The following FGD4 variants were observed in gnomAD, a reference collection of about 807,000 sequenced individuals.
FGD4 encodes the protein FYVE, RhoGEF and PH domain-containing protein 4.
FGD4 carries 42 observed loss-of-function variants against 102.0 expected under a neutral mutation model. The ratio of observed to expected loss-of-function variants is 0.41; its 90% CI spans 0.32 to 0.53. FGD4 has a LOEUF of 0.53. Ranked by LOEUF, FGD4 falls within the 20% of genes least tolerant of loss-of-function variation. The probability of loss-of-function intolerance (pLI) is 0.21; values close to 1 mark genes in which losing one functional copy is unlikely to be tolerated. For missense variants in FGD4, 902 were observed against 1,078.2 expected, an observed-to-expected ratio of 0.84 and a Z score of 2.29; for synonymous variants, 380 against 375.7, an observed-to-expected ratio of 1.01 and a Z score of -0.13.
intron 15 of FGD4, among the ~76,000 whole-genome samples, chr12:32,638,251 G>A (rs550633330): frequency 6.6e-6 from 1 of 152,252 alleles, no homozygotes; most frequent in South Asian, 2.1e-4. Context: ...GCAGAGGATC[G>A]AAGTTCAGAC....
At chr12:32,449,990 T>C (rs1451542225) in intron 1 of FGD4, among the ~76,000 whole-genome samples, 1 of 152,144 alleles carries the variant, frequency 6.6e-6, no homozygotes, top group East Asian at 1.9e-4. Context: ...TGGAGTGCAA[T>C]GGTGCGATCT....
intron 8 of FGD4, 141 bp from the exon 9 acceptor site, chr12:32,610,635 T>C (rs1949078570): frequency 1.4e-6 from 1 of 711,932 alleles, no homozygotes; most frequent in East Asian, 2.7e-5. Flanking sequence ...TTAGAAAGTA[T>C]ATACCGTTTA....
intron 1 of FGD4, among the ~76,000 whole-genome samples, chr12:32,447,008 A>T (rs1942636012): frequency 6.6e-6 from 1 of 152,218 alleles, no homozygotes; most frequent in Non-Finnish European, 1.5e-5. Context: ...TGTTCCAGGT[A>T]ACAAAAGGAT....
chr12:32,552,784 C>CTTT (rs71068325), intron 1 of FGD4, among the ~76,000 whole-genome samples: 18 of 144,324 alleles, frequency 1.2e-4, no homozygotes, highest in Middle Eastern at 3.5e-3. Context: ...TGGAGTGTAC[C>CTTT]TTTTTTTTTT....
At chr12:32,582,530 CTCTT>C (rs1946698896) in intron 4 of FGD4, 63 bp downstream of exon 4, 1 of 1,591,964 alleles carries the variant, frequency 6.3e-7, no homozygotes, top group African/African-American at 1.3e-5. Flanking sequence ...TGTCTTAAAA[CTCTT>C]TATTTATTGC....
intron 1 of FGD4, among the ~76,000 whole-genome samples, chr12:32,460,983 A>G (rs1447793310): frequency 6.6e-6 from 1 of 152,236 alleles, no homozygotes. Context: ...AATACAAGTA[A>G]CTGATATTCT....
intron 7 of FGD4, among the ~76,000 whole-genome samples, chr12:32,603,904 A>G (rs953483114): frequency 4.0e-5 from 6 of 151,682 alleles, no homozygotes; most frequent in Admixed American, 3.3e-4. Flanking sequence ...AGGTCTGGCT[A>G]TGTTGCCCAG....
chr12:32,468,343 T>A (rs1023394983), intron 1 of FGD4, among the ~76,000 whole-genome samples: 1 of 152,100 alleles, frequency 6.6e-6, no homozygotes. Context: ...TCTTTCTCAG[T>A]GATCTCTTAC....
chr12:32,525,560 C>A (rs547809903), intron 1 of FGD4, among the ~76,000 whole-genome samples: 83 of 152,362 alleles, frequency 5.4e-4, no homozygotes, highest in African/African-American at 2.0e-3. Flanking sequence ...TGCCTGGGCT[C>A]CCACTTTGGT....
At chr12:32,631,557 T>G (rs1380798719) in intron 14 of FGD4, among the ~76,000 whole-genome samples, 1 of 142,926 alleles carries the variant, frequency 7.0e-6, no homozygotes, top group African/African-American at 2.7e-5. Flanking sequence ...CGGGCTGGAG[T>G]GCACTGGCGC....
At chr12:32,614,689 T>C (rs1949345304) in intron 10 of FGD4, among the ~76,000 whole-genome samples, 1 of 152,242 alleles carries the variant, frequency 6.6e-6, no homozygotes, top group African/African-American at 2.4e-5. Flanking sequence ...TGACTTCTTT[T>C]TGTTTCCTAA....
chr12:32,407,314 C>CG (rs1190877069), intron 1 of FGD4, among the ~76,000 whole-genome samples: 1 of 149,262 alleles, frequency 6.7e-6, no homozygotes, highest in Non-Finnish European at 1.5e-5. Context: ...TTAGTAGAGA[C>CG]GGGGTTTCAC....
At chr12:32,541,644 G>A (rs1027564174) in intron 1 of FGD4, among the ~76,000 whole-genome samples, 3 of 152,150 alleles carry the variant, frequency 2.0e-5, no homozygotes, top group Non-Finnish European at 4.4e-5. Flanking sequence ...GAATACAGGC[G>A]TTAGCCACCG....
chr12:32,631,602 T>G (rs1176000882), intron 14 of FGD4, among the ~76,000 whole-genome samples: 1 of 151,208 alleles, frequency 6.6e-6, no homozygotes, highest in South Asian at 2.1e-4. Context: ...CCTGCTGGGT[T>G]CAAGCAATTC....
intron 10 of FGD4, among the ~76,000 whole-genome samples, chr12:32,614,633 CGA>C (rs1442422752): frequency 1.3e-5 from 2 of 152,178 alleles, no homozygotes; most frequent in Non-Finnish European, 2.9e-5. Flanking sequence ...GGCAATTTTT[CGA>C]GAGTTTTGAC....
chr12:32,451,402 G>T (rs1264790241), intron 1 of FGD4, among the ~76,000 whole-genome samples: 1 of 152,142 alleles, frequency 6.6e-6, no homozygotes, highest in Non-Finnish European at 1.5e-5. Flanking sequence ...AAAGTCCCAT[G>T]TGTCTGCCTG....
At chr12:32,578,074 C>A (rs1224304490) in intron 3 of FGD4, among the ~76,000 whole-genome samples, 1 of 152,124 alleles carries the variant, frequency 6.6e-6, no homozygotes, top group East Asian at 1.9e-4. Flanking sequence ...TTCATAAATT[C>A]AATCCTGTTT....
intron 1 of FGD4, among the ~76,000 whole-genome samples, chr12:32,552,944 A>ATTTTT (rs71068326): frequency 8.1e-6 from 1 of 123,898 alleles, no homozygotes; most frequent in African/African-American, 3.2e-5. Context: ...CGCCTGGCTA[A>ATTTTT]TTTTTTTTTT....
At chr12:32,503,838 T>C (rs890711686) in intron 1 of FGD4, among the ~76,000 whole-genome samples, 1 of 152,170 alleles carries the variant, frequency 6.6e-6, no homozygotes, top group Non-Finnish European at 1.5e-5. Context: ...GAAAGCCTCA[T>C]GTATGATTAT....
Sources: allele counts gnomAD v4.1 joint callset (sites outside exome capture counted in the v4.1 genomes callset), GRCh38; gene constraint gnomAD v4.1.1; transcripts MANE v1.5; gene names NCBI Gene and HGNC (gene_info 2026-07-23, HGNC 2026-07-21).